The following CSNK2A1 variants were observed in gnomAD, a reference collection of about 807,000 sequenced individuals.
The protein encoded by CSNK2A1 is casein kinase II subunit alpha.
Under a neutral mutation model 62.9 loss-of-function variants are expected in CSNK2A1, and 10 were observed. The observed-to-expected ratio is 0.16, with a 90% CI of 0.10 to 0.27. CSNK2A1 has a LOEUF of 0.27. Among genes scored for constraint, CSNK2A1 ranks in the 10% least tolerant of loss-of-function variants. The pLI, the probability that CSNK2A1 is intolerant of heterozygous loss-of-function variation, is 1.00. For missense variants in CSNK2A1, 160 were observed against 492.0 expected, an observed-to-expected ratio of 0.33 and a Z score of 6.38; for synonymous variants, 124 against 167.8, an observed-to-expected ratio of 0.74 and a Z score of 2.02.
chr20:521,388 T>A (rs2018941799), intron 2 of CSNK2A1, among the ~76,000 whole-genome samples: 1 of 151,940 alleles, frequency 6.6e-6, no homozygotes, highest in Non-Finnish European at 1.5e-5. Flanking sequence ...TGGCTAAAAT[T>A]TAAAAAAACA....
intron 1 of CSNK2A1, among the ~76,000 whole-genome samples, chr20:534,278 A>G (rs2122649410): frequency 6.6e-6 from 1 of 152,358 alleles, no homozygotes; most frequent in East Asian, 1.9e-4. Context: ...TTAGTTCTCC[A>G]AACTGATTTA....
At chr20:484,100 A>G (rs531831700) in intron 13 of CSNK2A1, 24 bp from the exon 14 acceptor site, 1 of 1,524,948 alleles carries the variant, frequency 6.6e-7, no homozygotes, top group South Asian at 1.2e-5. Flanking sequence ...GCTGTCAGTG[A>G]GCCAAAGACA....
chr20:500,893 TC>T (rs1045812960), intron 4 of CSNK2A1: 11 of 152,286 alleles, frequency 7.2e-5, no homozygotes, highest in African/African-American at 2.4e-4. Flanking sequence ...TGCCTCGGCC[TC>T]CCAAAGTGCC....
chr20:533,385 CT>C (rs1416347149), intron 1 of CSNK2A1, among the ~76,000 whole-genome samples: 3 of 152,154 alleles, frequency 2.0e-5, no homozygotes, highest in African/African-American at 7.2e-5. Context: ...TAACATGCCC[CT>C]AGGGGCCTTC....
rs576842932 is a variant in CSNK2A1, at chr20:532,195, C to T, written c.-226-4146G>A. ...TTTTTTTTTTTTTGAGATGGAGTCT[C>T]GCTCTGTCGCCAGGCCTGGAGTGCA... On this transcript the variant is annotated intron_variant, in intron 1 of 13. Coordinates refer to ENST00000217244, the MANE Select transcript of CSNK2A1 (RefSeq NM_177559.3). Among the ~76,000 whole-genome samples, 5 of 151,316 alleles carry T rather than the reference C, an allele frequency of 3.3e-5. No individual in the cohort carries two copies. The East Asian group carries it at 5.8e-4, about 18-fold the overall frequency.
In CSNK2A1 at chr20:499,408, T is replaced by TCG; in HGVS notation, c.316-105_316-104dup. On this transcript the variant is annotated intron_variant, in intron 5 of 13. Coordinates refer to ENST00000217244, the MANE Select transcript of CSNK2A1 (RefSeq NM_177559.3). This position sits in a 1 kb window ranked among gnomAD's most constrained non-coding sequence, Gnocchi z 4.2. ...GCTGCGTGGTGAAATTTGGCAGTCC[T>TCG]CGCCTCAGTAGTAAGAAACCCTCTA... 1 of 1,050,138 alleles carries TCG rather than the reference T, an allele frequency of 9.5e-7. No individual in the cohort carries two copies. The highest frequency in any genetic ancestry group is 1.6e-5 in the South Asian group (1 of 62,778). 65.1% of individuals were successfully genotyped at this position (1,050,138 alleles called of 1,614,324 possible). A position where few individuals can be genotyped will look rare whatever the true frequency, so the allele number is the denominator to read the frequency against.
At chr20:503,534 G>A (rs1045233856) in intron 4 of CSNK2A1, 11 of 398,506 alleles carry the variant, frequency 2.8e-5, no homozygotes, top group Non-Finnish European at 4.9e-5. Flanking sequence ...TCAACCCATC[G>A]TTGAATCTGC....
At chr20:530,018 C>A (rs1370811682) in intron 1 of CSNK2A1, among the ~76,000 whole-genome samples, 4 of 152,086 alleles carry the variant, frequency 2.6e-5, no homozygotes, top group Non-Finnish European at 5.9e-5. Flanking sequence ...TAAAACTCAT[C>A]ATTTTAGGGT....
At position 484,433 on chromosome 20, in the gene CSNK2A1, T is replaced by C. The variant is rs186350747; in HGVS notation, c.1061-357A>G. Among the ~76,000 whole-genome samples the C allele has an allele frequency of 8.5e-5, 13 of 152,328 alleles. No individual in the cohort carries two copies. The East Asian group carries it at 2.5e-3, about 29-fold the overall frequency. On this transcript the variant is annotated intron_variant, in intron 13 of 13. Coordinates refer to ENST00000217244, the MANE Select transcript of CSNK2A1 (RefSeq NM_177559.3). ...ACATGTGGCTGCTGAGCACTTGAAA[T>C]ATGGCTAGTGCAACTGAGGAACTAC... is the stretch of plus-strand genomic sequence containing the variant.
At chr20:531,963 TCA>T (rs948585026) in intron 1 of CSNK2A1, among the ~76,000 whole-genome samples, 2 of 152,204 alleles carry the variant, frequency 1.3e-5, no homozygotes, top group African/African-American at 2.4e-5. Flanking sequence ...CTTAAATTGT[TCA>T]CAGTCTTGTA....
At chr20:536,479 G>A (rs1466208233) in intron 1 of CSNK2A1, among the ~76,000 whole-genome samples, 1 of 152,106 alleles carries the variant, frequency 6.6e-6, no homozygotes, top group African/African-American at 2.4e-5. Flanking sequence ...CCATGTTACA[G>A]GTGAAGAAAC....
chr20:508,894 C>T (rs1401345515), intron 2 of CSNK2A1, among the ~76,000 whole-genome samples: 2 of 152,156 alleles, frequency 1.3e-5, no homozygotes, highest in Middle Eastern at 6.3e-3. Flanking sequence ...ATCCTGTTAC[C>T]TCTGCAGGCA....
intron 10 of CSNK2A1, chr20:489,220 A>G (rs2018164297): frequency 5.7e-6 from 1 of 176,218 alleles, no homozygotes; most frequent in South Asian, 1.6e-4. Context: ...TGTATTCCTC[A>G]GTACTGCATG....
intron 2 of CSNK2A1, among the ~76,000 whole-genome samples, chr20:510,913 G>T (rs144434628): frequency 4.0e-5 from 6 of 151,796 alleles, no homozygotes; most frequent in African/African-American, 1.4e-4. Flanking sequence ...GTAAAGATGG[G>T]GTTTCCCTAT....
intron 2 of CSNK2A1, among the ~76,000 whole-genome samples, chr20:523,352 T>A (rs560212341): frequency 6.6e-6 from 1 of 152,202 alleles, no homozygotes; most frequent in Non-Finnish European, 1.5e-5. Flanking sequence ...TATAATGTTA[T>A]GTTCACAGCA....
chr20:504,969 C>T lies in CSNK2A1; in HGVS notation c.213+149G>A, dbSNP rs2018544793. The T allele has an allele frequency of 1.6e-5, 10 of 641,778 alleles. No individual in the cohort carries two copies. In the East Asian group the frequency reaches 2.0e-4, roughly 13 times the overall value. 39.8% of individuals were successfully genotyped at this position (641,778 alleles called of 1,614,324 possible). On this transcript the variant is annotated intron_variant, in intron 4 of 13. Transcript: ENST00000217244. ...TTCCCGATCTGTCAAATAAGCAGAA[C>T]TTGTTCTATTGAGTTCATAGGATAC...
chr20:532,293 T>C (rs1437036189), intron 1 of CSNK2A1, among the ~76,000 whole-genome samples: 1 of 151,652 alleles, frequency 6.6e-6, no homozygotes, highest in Admixed American at 6.6e-5. Context: ...GCCTCCTGAG[T>C]ATCTGGACTA....
chr20:523,806 C>G (rs1451466066), intron 2 of CSNK2A1, among the ~76,000 whole-genome samples: 5 of 138,460 alleles, frequency 3.6e-5, no homozygotes, highest in Admixed American at 7.9e-5. Flanking sequence ...TTGCAGTGAG[C>G]TGAGATCACG....
At chr20:533,148 A>G (rs996549474) in intron 1 of CSNK2A1, among the ~76,000 whole-genome samples, 1 of 152,190 alleles carries the variant, frequency 6.6e-6, no homozygotes, top group African/African-American at 2.4e-5. Context: ...ATATCTAGCA[A>G]CTAACTCCTT....
Sources: allele counts gnomAD v4.1 joint callset (sites outside exome capture counted in the v4.1 genomes callset), GRCh38; gene constraint gnomAD v4.1.1; non-coding constraint Gnocchi (gnomAD v3.1); transcripts MANE v1.5; gene names NCBI Gene and HGNC (gene_info 2026-07-23, HGNC 2026-07-21).